CDH13: variants seen among roughly 807,000 people sequenced by gnomAD.
The protein encoded by CDH13 is cadherin 13, also known as cadherin-13.
CDH13 carries 24 observed loss-of-function variants against 63.8 expected under a neutral mutation model. The ratio of observed to expected loss-of-function variants is 0.38; its 90% CI spans 0.27 to 0.53. The LOEUF (loss-of-function observed/expected upper bound fraction) is 0.53, where lower values mean the gene tolerates loss of function less well. CDH13 is among the 20% of genes least tolerant of loss of function. The pLI is 0.85. For missense variants in CDH13, 1,049 were observed against 903.1 expected (o/e 1.16, Z -2.07); for synonymous variants, 503 against 355.3 (o/e 1.42, Z -4.67).
intron 7 of CDH13, among the ~76,000 whole-genome samples, chr16:83,534,506 T>C (rs8062470): frequency 3.9e-5 from 6 of 152,238 alleles, no homozygotes; most frequent in African/African-American, 1.4e-4. Context: ...CTCCTCTTCC[T>C]GGCTAGCACC....
At chr16:82,720,805 G>C (rs2032723640) in intron 1 of CDH13, among the ~76,000 whole-genome samples, 1 of 152,168 alleles carries the variant, frequency 6.6e-6, no homozygotes, top group South Asian at 2.1e-4. Context: ...CAGTCACAGT[G>C]AGTTGGCATT....
intron 1 of CDH13, among the ~76,000 whole-genome samples, chr16:82,744,377 A>G (rs2034065722): frequency 6.6e-6 from 1 of 152,142 alleles, no homozygotes; most frequent in South Asian, 2.1e-4. Flanking sequence ...AATGAACCAC[A>G]ATATGCATCT....
intron 2 of CDH13, among the ~76,000 whole-genome samples, chr16:82,961,572 T>TA (rs71376305): frequency 0.049 from 5,100 of 103,272 alleles, 172 homozygotes; most frequent in African/African-American, 0.09. Context: ...GCAGGGGACT[T>TA]AAAAAAAAAA....
At chr16:83,054,656 A>C (rs1272544695) in intron 3 of CDH13, among the ~76,000 whole-genome samples, 1 of 152,220 alleles carries the variant, frequency 6.6e-6, no homozygotes, top group African/African-American at 2.4e-5. Flanking sequence ...ACAGAAAGCA[A>C]AACTACAGAT....
At chr16:82,746,428 A>G (rs2034178211) in intron 1 of CDH13, among the ~76,000 whole-genome samples, 1 of 152,084 alleles carries the variant, frequency 6.6e-6, no homozygotes, top group Non-Finnish European at 1.5e-5. Context: ...CATTACTGGC[A>G]GGGAAATAGA....
chr16:83,031,069 T>G (rs1320438294), intron 2 of CDH13, among the ~76,000 whole-genome samples: 1 of 151,376 alleles, frequency 6.6e-6, no homozygotes, highest in Non-Finnish European at 1.5e-5. Context: ...TGCTGCATAT[T>G]GTGCTGTATA....
chr16:83,486,729 TC>T lies in CDH13; in HGVS notation c.960+76del, dbSNP rs1598133033. 6.4e-6 allele frequency: 9 copies of T among 1,409,858 alleles called. No homozygotes were observed. In the East Asian group the frequency reaches 1.8e-4, roughly 29 times the overall value. 87.3% of individuals were successfully genotyped at this position (1,409,858 alleles called of 1,614,324 possible). ...TTTCATGCAAGGGATGATGTGGGGC[TC>T]CAGTCAGTGGTTTTTTTTAATACTG... On this transcript the variant is annotated intron_variant, in intron 7 of 13. Transcript: ENST00000567109.
chr16:82,657,175 G>GT (rs1369790008), intron 1 of CDH13, among the ~76,000 whole-genome samples: 2 of 150,780 alleles, frequency 1.3e-5, no homozygotes, highest in Non-Finnish European at 3.0e-5. Context: ...CATACATTAT[G>GT]TTTTTTTCCT....
intron 2 of CDH13, among the ~76,000 whole-genome samples, chr16:82,972,092 G>C (rs897320151): frequency 2.0e-5 from 3 of 152,214 alleles, no homozygotes; most frequent in Non-Finnish European, 2.9e-5. Flanking sequence ...GTCTACCCAA[G>C]TGAAGCAGTG....
chr16:82,863,434 A>G (rs2040016350), intron 2 of CDH13, among the ~76,000 whole-genome samples: 1 of 152,228 alleles, frequency 6.6e-6, no homozygotes, highest in South Asian at 2.1e-4. Flanking sequence ...TACTGTGGTT[A>G]AGATCACACA....
At chr16:83,030,177 T>C (rs1318835677) in intron 2 of CDH13, among the ~76,000 whole-genome samples, 1 of 152,156 alleles carries the variant, frequency 6.6e-6, no homozygotes, top group East Asian at 1.9e-4. Flanking sequence ...TGGCAGGAAC[T>C]TTGCTCACAT....
At chr16:83,063,040 C>A (rs1037359150) in intron 3 of CDH13, among the ~76,000 whole-genome samples, 2 of 150,216 alleles carry the variant, frequency 1.3e-5, no homozygotes, top group East Asian at 3.9e-4. Flanking sequence ...CGGCTCACTG[C>A]AACCTCTGAC....
At chr16:82,820,318 G>A (rs72805988) in intron 1 of CDH13, among the ~76,000 whole-genome samples, 23,653 of 152,230 alleles carry the variant, frequency 0.16, 2,498 homozygotes, top group Non-Finnish European at 0.23. Flanking sequence ...AGACCAGGAA[G>A]AGCTTATATG....
chr16:82,794,144 G>T (rs1291816835), intron 1 of CDH13, among the ~76,000 whole-genome samples: 3 of 151,700 alleles, frequency 2.0e-5, no homozygotes, highest in African/African-American at 7.3e-5. Flanking sequence ...TTTCTTAAAA[G>T]GTTATGAAAT....
At chr16:83,076,385 G>C (rs1165202065) in intron 3 of CDH13, among the ~76,000 whole-genome samples, 1 of 152,130 alleles carries the variant, frequency 6.6e-6, no homozygotes, top group Non-Finnish European at 1.5e-5. Context: ...GCTGGGGATT[G>C]GGATGCTTAG....
chr16:83,213,339 T>C (rs1369780398), intron 4 of CDH13, among the ~76,000 whole-genome samples: 5 of 152,114 alleles, frequency 3.3e-5, no homozygotes, highest in African/African-American at 7.2e-5. Context: ...GGGTCTAGAA[T>C]TCAGCTTTCT....
chr16:83,303,303 A>G (rs1209085008), intron 5 of CDH13, among the ~76,000 whole-genome samples: 2 of 152,194 alleles, frequency 1.3e-5, no homozygotes, highest in Non-Finnish European at 2.9e-5. Context: ...TAGAAAATCA[A>G]AGGAGGATGA....
intron 4 of CDH13, among the ~76,000 whole-genome samples, chr16:83,126,421 G>T (rs893260485): frequency 1.3e-5 from 2 of 152,166 alleles, no homozygotes; most frequent in African/African-American, 4.8e-5. Flanking sequence ...TGTCTGTTAT[G>T]GTACAAGGCA....
intron 7 of CDH13, among the ~76,000 whole-genome samples, chr16:83,585,147 G>T (rs1015210716): frequency 5.9e-5 from 9 of 152,178 alleles, no homozygotes; most frequent in Admixed American, 2.0e-4. Context: ...GTGGCTTCCT[G>T]TGTGCCATAC....
Sources: gnomAD v4.1 joint callset for allele counts (sites outside exome capture counted in the v4.1 genomes callset) on GRCh38, gnomAD v4.1.1 for gene constraint, MANE v1.5 for transcripts, NCBI Gene and HGNC (gene_info 2026-07-23, HGNC 2026-07-21) for gene names.